The following TDRD3 variants were observed in gnomAD, a reference collection of about 807,000 sequenced individuals.
TDRD3 encodes tudor domain containing 3, also known as tudor domain-containing protein 3.
TDRD3 carries 45 observed loss-of-function variants against 86.7 expected under a neutral mutation model. The observed-to-expected ratio is 0.52, with a 90% CI of 0.41 to 0.67. TDRD3 has a LOEUF of 0.67. TDRD3 is among the 30% of genes least tolerant of loss of function. The pLI, the probability that TDRD3 is intolerant of heterozygous loss-of-function variation, is 0.00. For synonymous variants in TDRD3, 298 were observed against 301.7 expected (o/e 0.99, Z 0.13); for missense variants, 814 against 889.0 (o/e 0.92, Z 1.07).
rs562184442 is a variant in TDRD3 at position 60,463,167 on chromosome 13, C to T, written c.353+2627C>T. Among the ~76,000 whole-genome samples, 11 of 152,056 alleles carry T rather than the reference C, an allele frequency of 7.2e-5. No individual in the cohort carries two copies. In the South Asian group the frequency reaches 8.3e-4, roughly 11 times the overall value. The stretch of plus-strand genomic sequence containing the variant: ...ATCCCAGCACTTTGGGAAGTCAAGG[C>T]GGGCGGATCACCTGAGATCAAGAGT... On this transcript the variant is annotated intron_variant, in intron 4 of 13. Coordinates refer to ENST00000377881, the MANE Select transcript of TDRD3 (RefSeq NM_001146070.2).
intron 1 of TDRD3, among the ~76,000 whole-genome samples, chr13:60,414,755 TCTA>T (rs1772022724): frequency 6.6e-6 from 1 of 152,108 alleles, no homozygotes. Context: ...TTTGAAATGG[TCTA>T]CTAATTTTAA....
At chr13:60,531,599 T>A (rs1205670979) in intron 11 of TDRD3, among the ~76,000 whole-genome samples, 3 of 152,174 alleles carry the variant, frequency 2.0e-5, no homozygotes, top group Admixed American at 6.5e-5. Flanking sequence ...TGACTCAGGC[T>A]TTCCATTGAA....
At chr13:60,535,718 C>G (rs1371748644) in intron 12 of TDRD3, 1 of 152,088 alleles carries the variant, frequency 6.6e-6, no homozygotes, top group African/African-American at 2.4e-5. Flanking sequence ...TATATATGTA[C>G]AGATTAACTA....
chr13:60,529,844 G>T (rs1305529865), intron 11 of TDRD3, among the ~76,000 whole-genome samples: 2 of 152,102 alleles, frequency 1.3e-5, no homozygotes, highest in Admixed American at 6.6e-5. Context: ...GAAGATGAGG[G>T]CAAGAAAGAG....
Position 60,483,791 on chromosome 13 carries a change from A to G in TDRD3, c.512A>G (p.Asn171Ser). 1 of 1,612,852 alleles carries G rather than the reference A, an allele frequency of 6.2e-7. No individual in the cohort carries two copies. The change falls in exon 6 of 14, where the codon AAT (asparagine) becomes AGT (serine). Residue 171 changes from asparagine to serine, a missense_variant. By Grantham distance (46) the Asn-to-Ser change is conservative. Coordinates refer to ENST00000377881, the MANE Select transcript of TDRD3 (RefSeq NM_001146070.2). ...TTTCCGCAGAGCTTATCAAAACACA[A>G]TAGAAGCAATATTGGAACTGAAGGT... ...WELQRSLSKH[N>S]RSNIGTEGGP...
intron 7 of TDRD3, among the ~76,000 whole-genome samples, chr13:60,487,769 C>T (rs771001460): frequency 6.6e-6 from 1 of 152,150 alleles, no homozygotes; most frequent in African/African-American, 2.4e-5. Flanking sequence ...GCTTTCCTTT[C>T]CTTTGGATAA....
intron 1 of TDRD3, among the ~76,000 whole-genome samples, chr13:60,414,680 A>T (rs963740630): frequency 1.3e-5 from 2 of 152,134 alleles, no homozygotes; most frequent in Admixed American, 1.3e-4. Context: ...AATCCTAACT[A>T]TTTGATAGGA....
intron 5 of TDRD3, among the ~76,000 whole-genome samples, chr13:60,482,989 A>T (rs1046283503): frequency 6.6e-6 from 1 of 152,102 alleles, no homozygotes; most frequent in African/African-American, 2.4e-5. Context: ...ATACCTCAAA[A>T]CCAAAATAAA....
At chr13:60,441,942 A>G (rs978281231) in intron 2 of TDRD3, among the ~76,000 whole-genome samples, 11 of 152,216 alleles carry the variant, frequency 7.2e-5, no homozygotes, top group African/African-American at 2.2e-4. Context: ...CATATTGTTT[A>G]TATGAATAAT....
At chr13:60,496,307 A>G (rs1290837764) in intron 8 of TDRD3, among the ~76,000 whole-genome samples, 1 of 41,278 alleles carries the variant, frequency 2.4e-5, no homozygotes, top group Non-Finnish European at 5.4e-5. Context: ...ATATATATAT[A>G]TATATATATA....
chr13:60,406,140 G>A (rs551971570), intron 1 of TDRD3, among the ~76,000 whole-genome samples: 10 of 152,256 alleles, frequency 6.6e-5, no homozygotes, highest in African/African-American at 2.4e-4. Context: ...TAGGCATTAG[G>A]AAATACCAAT....
intron 5 of TDRD3, among the ~76,000 whole-genome samples, chr13:60,471,473 T>C (rs1450929514): frequency 6.6e-6 from 1 of 152,176 alleles, no homozygotes; most frequent in African/African-American, 2.4e-5. Context: ...GAGACCTTTT[T>C]CAGGATTGTT....
At chr13:60,431,684 A>C (rs1954956109) in intron 1 of TDRD3, among the ~76,000 whole-genome samples, 1 of 149,570 alleles carries the variant, frequency 6.7e-6, no homozygotes, top group South Asian at 2.1e-4. Flanking sequence ...CCTGAGCAAC[A>C]AAGCAAGACT....
chr13:60,486,391 C>T (rs1956436407), intron 7 of TDRD3, among the ~76,000 whole-genome samples: 1 of 152,104 alleles, frequency 6.6e-6, no homozygotes. Flanking sequence ...TCAGGATTAA[C>T]ATTTTTGTCT....
At chr13:60,457,924 C>T (rs1206566576) in intron 3 of TDRD3, among the ~76,000 whole-genome samples, 1 of 152,170 alleles carries the variant, frequency 6.6e-6, no homozygotes, top group Non-Finnish European at 1.5e-5. Context: ...TTAGGGCCCA[C>T]TGTAATTCAC....
rs772244042 is a variant in TDRD3, at chr13:60,528,661, G to C, written c.1436G>C (p.Arg479Thr). 6.2e-6 allele frequency: 10 copies of C among 1,613,710 alleles called. No individual in the cohort carries two copies. In the East Asian group the frequency reaches 2.0e-4, roughly 32 times the overall value. Reference sequence around the variant, plus strand: ...GATAGACCGTATTCTAGATATGACAGAACTAAAGATACTTCATATCCTTTA... The same window carrying C: ...GATAGACCGTATTCTAGATATGACACAACTAAAGATACTTCATATCCTTTA... Reference protein sequence around the residue: ...KCDRPYSRYDRTKDTSYPLGS... With the variant: ...KCDRPYSRYDTTKDTSYPLGS... Residue 479 changes from arginine (R) to threonine (T), a missense_variant, in exon 11 of 14, where the codon AGA becomes ACA. Physicochemically the swap from Arg to Thr is moderately conservative, Grantham distance 71. Transcript: ENST00000377881.
intron 10 of TDRD3, among the ~76,000 whole-genome samples, chr13:60,512,488 C>G (rs1156429461): frequency 1.3e-5 from 2 of 152,138 alleles, no homozygotes; most frequent in Non-Finnish European, 2.9e-5. Flanking sequence ...GTCCACAGTC[C>G]AAAGTCTCAT....
intron 12 of TDRD3, among the ~76,000 whole-genome samples, chr13:60,560,765 A>C (rs765394758): frequency 5.3e-5 from 8 of 152,200 alleles, no homozygotes; most frequent in Non-Finnish European, 7.4e-5. Context: ...ATAACTTTAG[A>C]AAATATAGTA....
At chr13:60,531,690 A>G (rs193171831) in intron 11 of TDRD3, among the ~76,000 whole-genome samples, 36 of 152,336 alleles carry the variant, frequency 2.4e-4, no homozygotes, top group East Asian at 1.9e-3. Context: ...AACTCTCTAC[A>G]GGATCAGGGA....
Sources: gnomAD v4.1 joint callset for allele counts (sites outside exome capture counted in the v4.1 genomes callset) on GRCh38, gnomAD v4.1.1 for gene constraint, MANE v1.5 for transcripts, NCBI Gene and HGNC (gene_info 2026-07-23, HGNC 2026-07-21) for gene names.